Variants in SLC9C2 observed in about 807,000 individuals in gnomAD.
The protein encoded by SLC9C2 is sodium/hydrogen exchanger 11.
A neutral mutation model predicts 140.2 loss-of-function variants in SLC9C2; 75 were observed. The observed-to-expected ratio is 0.53, with a 90% CI of 0.44 to 0.65. The LOEUF is 0.65. Ranked by LOEUF, SLC9C2 falls within the 30% of genes least tolerant of loss-of-function variation. The pLI is 0.00. For missense variants in SLC9C2, 1,074 were observed against 1,331.8 expected (o/e 0.81, Z 3.01); for synonymous variants, 375 against 420.9 (o/e 0.89, Z 1.34).
At chr1:173,526,897 G>A (rs935114394) in intron 18 of SLC9C2, among the ~76,000 whole-genome samples, 183 bp from the exon 19 acceptor site, 1 of 152,032 alleles carries the variant, frequency 6.6e-6, no homozygotes, top group African/African-American at 2.4e-5. Flanking sequence ...CGAGGTTGGA[G>A]TGCAGTGGTG....
intron 9 of SLC9C2, among the ~76,000 whole-genome samples, chr1:173,567,307 T>G (rs921021446): frequency 2.6e-5 from 4 of 152,160 alleles, no homozygotes; most frequent in African/African-American, 9.6e-5. Context: ...TCTCTCTCTT[T>G]GGCACTAATA....
Position 173,501,106 on chromosome 1 carries a change from G to T in SLC9C2, c.3372-9C>A. On this transcript the variant is annotated splice_polypyrimidine_tract_variant and intron_variant, in intron 27 of 27. Coordinates refer to ENST00000367714, the MANE Select transcript of SLC9C2 (RefSeq NM_178527.4). ...TGGTATCCAGTTTTCAACTATAAAA[G>T]AAAGTCAAAAGTTAAATATTAGCCT... 6.5e-7 allele frequency: 1 copy of T among 1,533,016 alleles called. No individual in the cohort carries two copies. Among genetic ancestry groups the T allele is most frequent in the Non-Finnish European group, 8.8e-7 (1 of 1,138,624 alleles). The allele number at this position is 1,533,016 out of a possible 1,614,324, so 95.0% of individuals were successfully genotyped here. A position where few individuals can be genotyped will look rare whatever the true frequency, so the allele number is the denominator to read the frequency against.
intron 11 of SLC9C2, among the ~76,000 whole-genome samples, chr1:173,552,913 T>C (rs1025713653): frequency 6.6e-6 from 1 of 152,228 alleles, no homozygotes; most frequent in Non-Finnish European, 1.5e-5. Context: ...ATTCCTCTGA[T>C]GGATGTAGGG....
intron 4 of SLC9C2, chr1:173,596,367 G>T (rs557168551): frequency 2.0e-4 from 30 of 152,220 alleles, no homozygotes; most frequent in Admixed American, 8.5e-4. Flanking sequence ...TCCCAAAGTG[G>T]TTGTACCATT....
At chr1:173,595,091 G>A (rs1309663947) in intron 4 of SLC9C2, among the ~76,000 whole-genome samples, 1 of 152,022 alleles carries the variant, frequency 6.6e-6, no homozygotes, top group Non-Finnish European at 1.5e-5. Flanking sequence ...AGTAGAAATG[G>A]GGTTTCTACT....
At chr1:173,550,540 G>T (rs551518409) in intron 11 of SLC9C2, among the ~76,000 whole-genome samples, 2 of 151,150 alleles carry the variant, frequency 1.3e-5, no homozygotes, top group South Asian at 4.2e-4. Context: ...CTGGGTTCAA[G>T]TGATTCTCCT....
chr1:173,519,412 G>C (rs1660648537), intron 22 of SLC9C2, among the ~76,000 whole-genome samples: 1 of 152,140 alleles, frequency 6.6e-6, no homozygotes, highest in African/African-American at 2.4e-5. Flanking sequence ...CTGACATCTA[G>C]ATTTCAGCTT....
At chr1:173,575,186 G>A (rs1232733770) in intron 8 of SLC9C2, among the ~76,000 whole-genome samples, 2 of 152,030 alleles carry the variant, frequency 1.3e-5, no homozygotes, top group African/African-American at 4.8e-5. Flanking sequence ...AGTAGAACCT[G>A]AATAAATATG....
At chr1:173,541,542 T>G (rs1387488642) in intron 13 of SLC9C2, among the ~76,000 whole-genome samples, 5 of 152,118 alleles carry the variant, frequency 3.3e-5, no homozygotes, top group Admixed American at 1.3e-4. Flanking sequence ...CCACCCCAAA[T>G]CAACAGAATA....
At position 173,509,690 on chromosome 1, in the gene SLC9C2, T is replaced by C. The variant is rs138661865; in HGVS notation, c.2917A>G (p.Ile973Val). Reference sequence around the variant, plus strand: ...CCTTCATATAAATCCTCCAGGGAGATAAAGCAGGCCTGAAACAAAAAGGAA... The same window carrying C: ...CCTTCATATAAATCCTCCAGGGAGACAAAGCAGGCCTGAAACAAAAAGGAA... ...ICETSLQACF[I>V]SLEDLYEGFD... The change falls in exon 24 of 28, where the codon ATC (isoleucine) becomes GTC (valine). Residue 973 changes from isoleucine to valine, a missense_variant. Physicochemically the swap from Ile to Val is conservative, Grantham distance 29. Transcript: ENST00000367714. 453 of 1,588,778 alleles carry C rather than the reference T, an allele frequency of 2.9e-4. 2 individuals carry two copies. The African/African-American group carries it at 5.6e-3, about 20-fold the overall frequency.
chr1:173,541,848 A>G (rs1325811193), intron 13 of SLC9C2, among the ~76,000 whole-genome samples: 31 of 152,196 alleles, frequency 2.0e-4, no homozygotes, highest in Non-Finnish European at 4.4e-4. Context: ...TCTCTGGGAC[A>G]CATTTAAAGC....
At chr1:173,547,837 A>C in intron 12 of SLC9C2, 53 bp from the exon 13 acceptor site, 3 of 1,349,522 alleles carry the variant, frequency 2.2e-6, no homozygotes, top group Non-Finnish European at 3.1e-6. Flanking sequence ...GTTAAAAATA[A>C]GTAAAAATGA....
At chr1:173,539,833 T>G (rs1662242957) in intron 13 of SLC9C2, among the ~76,000 whole-genome samples, 1 of 152,152 alleles carries the variant, frequency 6.6e-6, no homozygotes, top group South Asian at 2.1e-4. Context: ...AAAAATAGCA[T>G]GCAGCAAGTC....
At chr1:173,506,804 C>T in intron 25 of SLC9C2, 52 bp downstream of exon 25, 1 of 1,487,412 alleles carries the variant, frequency 6.7e-7, no homozygotes, top group Non-Finnish European at 9.2e-7. Flanking sequence ...TTTAAAGTCA[C>T]TTTTGGAGCA....
At chr1:173,556,029 T>C (rs1663673523) in intron 10 of SLC9C2, among the ~76,000 whole-genome samples, 1 of 152,212 alleles carries the variant, frequency 6.6e-6, no homozygotes, top group African/African-American at 2.4e-5. Flanking sequence ...AGTTCTAGGA[T>C]GGAAATTAGA....
At chr1:173,565,209 TTA>T (rs1174551343) in intron 9 of SLC9C2, among the ~76,000 whole-genome samples, 2 of 152,126 alleles carry the variant, frequency 1.3e-5, no homozygotes, top group African/African-American at 2.4e-5. Flanking sequence ...CTTTTTAACT[TTA>T]TGTTATCTAA....
intron 13 of SLC9C2, among the ~76,000 whole-genome samples, chr1:173,545,573 T>A (rs1286458165): frequency 6.6e-6 from 1 of 152,108 alleles, no homozygotes; most frequent in Non-Finnish European, 1.5e-5. Flanking sequence ...AGTTCACAGG[T>A]ATCTAGATCA....
At chr1:173,517,505 A>G (rs765251149) in intron 23 of SLC9C2, 32 bp downstream of exon 23, 3 of 1,532,458 alleles carry the variant, frequency 2.0e-6, no homozygotes, top group Admixed American at 4.6e-5. Flanking sequence ...TTGAAGAATA[A>G]TTAATAACTC....
intron 9 of SLC9C2, among the ~76,000 whole-genome samples, chr1:173,567,828 A>G (rs1487494385): frequency 6.6e-6 from 1 of 151,956 alleles, no homozygotes; most frequent in East Asian, 1.9e-4. Context: ...TATCTGTTGT[A>G]TTTTTTAATT....
Sources: allele counts gnomAD v4.1 joint callset (sites outside exome capture counted in the v4.1 genomes callset), GRCh38; gene constraint gnomAD v4.1.1; transcripts MANE v1.5; gene names NCBI Gene and HGNC (gene_info 2026-07-23, HGNC 2026-07-21).